HYCC1: variants seen among roughly 807,000 people sequenced by gnomAD.
The protein encoded by HYCC1 is hyccin PI4KA lipid kinase complex subunit 1.
At chr7:22,987,773 T>C in the HYCC1 span, among the ~76,000 whole-genome samples, 1 of 151,910 alleles carries the variant, frequency 6.6e-6, no homozygotes, top group African/African-American at 2.4e-5. Context: ...CCCGGAGAGG[T>C]TATGCCCAAC....
At chr7:22,930,349 A>T in the HYCC1 span, among the ~76,000 whole-genome samples, 35 of 25,836 alleles carry the variant, frequency 1.4e-3, no homozygotes, top group African/African-American at 4.6e-3. Flanking sequence ...ATAATAATTA[A>T]AAAAAAAAAA....
chr7:22,982,232 A>G, the HYCC1 span, among the ~76,000 whole-genome samples: 1 of 152,226 alleles, frequency 6.6e-6, no homozygotes, highest in Non-Finnish European at 1.5e-5. Context: ...CCTTCAAGAA[A>G]ACAGCCTACC....
chr7:22,934,306 C>A, the HYCC1 span: 1 of 141,518 alleles, frequency 7.1e-6, no homozygotes, highest in Admixed American at 7.5e-5. Context: ...GCTCACTTCT[C>A]TGAACTTCCT....
the HYCC1 span, among the ~76,000 whole-genome samples, chr7:22,977,171 T>C: frequency 1.3e-5 from 2 of 152,160 alleles, no homozygotes; most frequent in African/African-American, 2.4e-5. Context: ...TTGATGTTCA[T>C]TTATTTTGAT....
the HYCC1 span, among the ~76,000 whole-genome samples, chr7:22,949,965 G>A: frequency 6.6e-6 from 1 of 152,010 alleles, no homozygotes; most frequent in Non-Finnish European, 1.5e-5. Context: ...TCTGTACAGA[G>A]CTAGAAAGAA....
At chr7:22,991,030 A>G in the HYCC1 span, 2 of 1,471,664 alleles carry the variant, frequency 1.4e-6, no homozygotes, top group South Asian at 1.1e-5. Flanking sequence ...TCCTTGGAAT[A>G]TAATTACTAT....
At chr7:22,954,857 A>G in the HYCC1 span, among the ~76,000 whole-genome samples, 1 of 151,542 alleles carries the variant, frequency 6.6e-6, no homozygotes, top group Non-Finnish European at 1.5e-5. Context: ...ATCTGCCAGG[A>G]CCAAAAGTAG....
the HYCC1 span, chr7:22,961,285 C>A: frequency 1.2e-6 from 2 of 1,607,140 alleles, no homozygotes; most frequent in Non-Finnish European, 1.7e-6. Flanking sequence ...ATAATATCAT[C>A]CAGTGCTTTT....
At chr7:22,978,749 A>AG in the HYCC1 span, among the ~76,000 whole-genome samples, 2 of 152,138 alleles carry the variant, frequency 1.3e-5, no homozygotes, top group Non-Finnish European at 2.9e-5. Flanking sequence ...ATTGGTACAT[A>AG]GGGGGGCTAA....
At chr7:22,914,182 CCA>C in the HYCC1 span, among the ~76,000 whole-genome samples, 2 of 152,170 alleles carry the variant, frequency 1.3e-5, no homozygotes, top group Non-Finnish European at 2.9e-5. Flanking sequence ...GATTATTCAC[CCA>C]CACTCCATTG....
the HYCC1 span, among the ~76,000 whole-genome samples, chr7:23,009,491 CTATT>C: frequency 1.3e-5 from 2 of 152,140 alleles, no homozygotes; most frequent in African/African-American, 4.8e-5. Flanking sequence ...CACTTCCTCT[CTATT>C]TATGACCAAG....
At chr7:22,904,681 G>A in the HYCC1 span, among the ~76,000 whole-genome samples, 1 of 151,656 alleles carries the variant, frequency 6.6e-6, no homozygotes, top group African/African-American at 2.4e-5. Flanking sequence ...GGCCAGGCAT[G>A]GTGGCTCATG....
the HYCC1 span, chr7:22,964,328 G>T: frequency 1.3e-6 from 1 of 799,152 alleles, no homozygotes; most frequent in South Asian, 1.4e-5. Context: ...CTTATCTATT[G>T]ACATTATAAT....
chr7:22,912,217 C>T, the HYCC1 span, among the ~76,000 whole-genome samples: 4 of 152,192 alleles, frequency 2.6e-5, no homozygotes, highest in Non-Finnish European at 4.4e-5. Context: ...TCCACTAAAA[C>T]TCAGAAGGAA....
At chr7:22,904,063 TAGTA>T in the HYCC1 span, among the ~76,000 whole-genome samples, 4 of 152,118 alleles carry the variant, frequency 2.6e-5, no homozygotes, top group African/African-American at 7.2e-5. Context: ...ATGTATAACA[TAGTA>T]AGACCAATAA....
the HYCC1 span, among the ~76,000 whole-genome samples, chr7:23,002,177 C>CAATTATATATATATAT: frequency 1.8e-4 from 12 of 66,960 alleles, 1 homozygote; most frequent in Admixed American, 6.5e-4. Flanking sequence ...TATATATATA[C>CAATTATATATATATAT]ATATAGTTTG....
chr7:22,981,922 T>C, the HYCC1 span, among the ~76,000 whole-genome samples: 1 of 152,178 alleles, frequency 6.6e-6, no homozygotes, highest in African/African-American at 2.4e-5. Flanking sequence ...TGAGAAACAC[T>C]GCTCTGAACC....
the HYCC1 span, among the ~76,000 whole-genome samples, chr7:23,008,629 C>T: frequency 6.6e-6 from 1 of 151,908 alleles, no homozygotes; most frequent in Non-Finnish European, 1.5e-5. Context: ...ACATTAAAAA[C>T]TCACAATAAT....
the HYCC1 span, among the ~76,000 whole-genome samples, chr7:22,980,571 G>A: frequency 1.3e-5 from 2 of 152,118 alleles, no homozygotes; most frequent in African/African-American, 4.8e-5. Flanking sequence ...GACTAAGTAA[G>A]GAAAATGTTC....
Sources: allele counts gnomAD v4.1 joint callset (sites outside exome capture counted in the v4.1 genomes callset), GRCh38; gene constraint gnomAD v4.1.1; transcripts MANE v1.5; gene names NCBI Gene and HGNC (gene_info 2026-07-23, HGNC 2026-07-21).